Variants in OSBPL10 observed in about 807,000 individuals in gnomAD.
OSBPL10 encodes the protein oxysterol-binding protein-related protein 10.
Under a neutral mutation model 81.7 loss-of-function variants are expected in OSBPL10, and 49 were observed. That is an observed-to-expected ratio of 0.60 (90% CI 0.48 to 0.76). The LOEUF is 0.76. Among genes scored for constraint, OSBPL10 ranks in the 30% least tolerant of loss-of-function variants. The probability of loss-of-function intolerance (pLI) is 0.00; values close to 1 mark genes in which losing one functional copy is unlikely to be tolerated. For missense variants in OSBPL10, 923 were observed against 987.8 expected, an observed-to-expected ratio of 0.93 and a Z score of 0.88; for synonymous variants, 419 against 383.6, an observed-to-expected ratio of 1.09 and a Z score of -1.08.
At chr3:31,861,153 T>C (rs768221256) in intron 3 of OSBPL10, among the ~76,000 whole-genome samples, 1 of 152,178 alleles carries the variant, frequency 6.6e-6, no homozygotes, top group Non-Finnish European at 1.5e-5. Flanking sequence ...TTTTAATCAA[T>C]GTGTTTATTT....
intron 4 of OSBPL10, among the ~76,000 whole-genome samples, chr3:31,751,262 C>G (rs373067153): frequency 2.0e-5 from 3 of 152,234 alleles, no homozygotes; most frequent in East Asian, 1.9e-4. Context: ...ATGGGAGGAT[C>G]TCTTGAGCCC....
intron 2 of OSBPL10, chr3:31,879,437 T>A: frequency 1.9e-6 from 1 of 526,338 alleles, no homozygotes; most frequent in Non-Finnish European, 3.3e-6. Context: ...CACCTTTCCT[T>A]TGTCCTTAAT....
Position 31,709,030 on chromosome 3 carries a change from C to T in OSBPL10, c.1096-6522G>A, listed in dbSNP as rs1299468074. On this transcript the variant is annotated intron_variant, in intron 6 of 11. Coordinates refer to ENST00000396556, the MANE Select transcript of OSBPL10 (RefSeq NM_017784.5). ...CCAACTGTGCCTCAAAGGCCACCGG[C>T]GAATTTAGGGGACCTTATCTTGCCA... 1.1e-5 allele frequency: 11 copies of T among 985,302 alleles called. No individual in the cohort carries two copies. The South Asian group carries it at 1.9e-4, about 17-fold the overall frequency. 61.0% of individuals were successfully genotyped at this position (985,302 alleles called of 1,614,324 possible). A position where few individuals can be genotyped will look rare whatever the true frequency, so the allele number is the denominator to read the frequency against.
At chr3:31,662,745 G>T in intron 11 of OSBPL10, 1 of 985,406 alleles carries the variant, frequency 1.0e-6, no homozygotes. Flanking sequence ...TTAAACTCAG[G>T]AAGAACTGTA....
At chr3:31,809,888 T>TTTTA (rs1699630861) in intron 4 of OSBPL10, among the ~76,000 whole-genome samples, 1 of 149,104 alleles carries the variant, frequency 6.7e-6, no homozygotes, top group African/African-American at 2.5e-5. Flanking sequence ...TTTTTTTTTT[T>TTTTA]GAGATGGAGT....
chr3:31,736,192 T>C (rs1006435681), intron 5 of OSBPL10, among the ~76,000 whole-genome samples: 2 of 152,114 alleles, frequency 1.3e-5, no homozygotes, highest in Admixed American at 6.5e-5. Flanking sequence ...GTTTTGGAGA[T>C]TGGTTATACA....
intron 3 of OSBPL10, among the ~76,000 whole-genome samples, chr3:31,871,518 G>T (rs1310859428): frequency 6.6e-6 from 1 of 152,168 alleles, no homozygotes; most frequent in Non-Finnish European, 1.5e-5. Flanking sequence ...ACCAATTCCG[G>T]ACACACTGTA....
intron 4 of OSBPL10, among the ~76,000 whole-genome samples, chr3:31,803,904 G>C (rs1277965249): frequency 6.6e-6 from 1 of 152,076 alleles, no homozygotes; most frequent in Non-Finnish European, 1.5e-5. Flanking sequence ...TTTATTACTG[G>C]TGGTATTAAC....
chr3:31,953,471 G>C (rs557627095), intron 1 of OSBPL10, among the ~76,000 whole-genome samples: 4 of 152,002 alleles, frequency 2.6e-5, no homozygotes, highest in Non-Finnish European at 4.4e-5. Context: ...GCAGTGGCTT[G>C]ATCACAGCTC....
intron 3 of OSBPL10, among the ~76,000 whole-genome samples, chr3:31,870,232 C>T (rs988284203): frequency 4.6e-5 from 7 of 152,220 alleles, no homozygotes; most frequent in African/African-American, 1.7e-4. Flanking sequence ...GCGGGCCTCC[C>T]GGCCCGGGCA....
In OSBPL10 at chr3:31,678,485, C is replaced by A. The variant is rs932762945; in HGVS notation, c.1726+5149G>T. ...GTCGGGGACAGGGGAAAAGTGACTG[C>A]TATTTGGTAGAGAAGGAAGGATCCT... On this transcript the variant is annotated intron_variant, in intron 8 of 11. Transcript: ENST00000396556. Among the ~76,000 whole-genome samples the A allele has an allele frequency of 7.9e-5, 12 of 152,204 alleles. 1 individual carries two copies. Among genetic ancestry groups the A allele is most frequent in the African/African-American group, 2.4e-4 (10 of 41,454 alleles).
intron 5 of OSBPL10, among the ~76,000 whole-genome samples, chr3:31,741,507 T>TCC (rs1697351266): frequency 6.6e-6 from 1 of 152,192 alleles, no homozygotes; most frequent in Non-Finnish European, 1.5e-5. Flanking sequence ...TCGTGATCCA[T>TCC]CCACCTTGGC....
chr3:31,728,961 G>A (rs545829316), intron 6 of OSBPL10, among the ~76,000 whole-genome samples: 8 of 152,026 alleles, frequency 5.3e-5, no homozygotes, highest in African/African-American at 1.4e-4. Context: ...GTGTCATGTC[G>A]GCCTTTAAAA....
At chr3:31,824,283 C>T (rs143391615) in intron 4 of OSBPL10, among the ~76,000 whole-genome samples, 31 of 152,078 alleles carry the variant, frequency 2.0e-4, no homozygotes, top group African/African-American at 7.0e-4. Flanking sequence ...CATGGGATCA[C>T]CTTGACAGTT....
intron 7 of OSBPL10, among the ~76,000 whole-genome samples, chr3:31,690,007 C>T (rs920896053): frequency 2.0e-5 from 3 of 151,886 alleles, no homozygotes; most frequent in Non-Finnish European, 2.9e-5. Context: ...GAGAGGTTGG[C>T]AGAGAGGGAA....
rs74777845 is a variant in OSBPL10 at position 31,952,243 on chromosome 3, G to A, written c.281+28656C>T. ...ACACATTAGGTGGATTAAGAAATAT[G>A]TTTTCTTCAGTGAGGCAAAACTATT... On this transcript the variant is annotated intron_variant, in intron 1 of 11. Coordinates refer to ENST00000396556, the MANE Select transcript of OSBPL10 (RefSeq NM_017784.5). Among the ~76,000 whole-genome samples, 2,551 of 151,728 alleles carry A rather than the reference G, an allele frequency of 0.017. 175 individuals carry two copies. In the East Asian group the frequency reaches 0.22, roughly 13 times the overall value.
intron 1 of OSBPL10, among the ~76,000 whole-genome samples, chr3:31,947,856 G>A (rs1402115597): frequency 6.6e-6 from 1 of 151,208 alleles, no homozygotes. Context: ...ACTGGAAGAA[G>A]GTGAGGGAAA....
At chr3:31,720,769 G>A (rs1303325282) in intron 6 of OSBPL10, among the ~76,000 whole-genome samples, 2 of 151,414 alleles carry the variant, frequency 1.3e-5, no homozygotes, top group East Asian at 3.9e-4. Context: ...GCGTGGTGGT[G>A]GGTGCCTGTA....
chr3:31,685,756 C>T (rs943248537), intron 7 of OSBPL10, among the ~76,000 whole-genome samples: 1 of 152,150 alleles, frequency 6.6e-6, no homozygotes, highest in African/African-American at 2.4e-5. Context: ...CCACAAATAT[C>T]ACACAGGCTC....
Sources: gnomAD v4.1 joint callset for allele counts (sites outside exome capture counted in the v4.1 genomes callset) on GRCh38, gnomAD v4.1.1 for gene constraint, MANE v1.5 for transcripts, NCBI Gene and HGNC (gene_info 2026-07-23, HGNC 2026-07-21) for gene names.